Variants in ROBO2 observed in about 807,000 individuals in gnomAD.
The protein encoded by ROBO2 is roundabout guidance receptor 2.
Under a neutral mutation model 160.8 loss-of-function variants are expected in ROBO2, and 53 were observed. The observed-to-expected ratio is 0.33, with a 90% CI of 0.26 to 0.41. The LOEUF (loss-of-function observed/expected upper bound fraction) is 0.41. Ranked by LOEUF, ROBO2 falls within the 10% of genes least tolerant of loss-of-function variation. The probability of loss-of-function intolerance (pLI) is 1.00; values close to 1 mark genes in which losing one functional copy is unlikely to be tolerated. For missense variants in ROBO2, 1,577 were observed against 1,722.4 expected (o/e 0.92, Z 1.49); for synonymous variants, 664 against 611.7 (o/e 1.09, Z -1.26).
In ROBO2 at chr3:76,080,736, A is replaced by G. The variant is rs1370162617; in HGVS notation, c.109+143134A>G. 3.9e-5 allele frequency among the ~76,000 whole-genome samples: 6 copies of G among 152,218 alleles called. No homozygotes were observed. The East Asian group carries it at 1.2e-3, about 29-fold the overall frequency. ...ATTATCTGTTAGAATTTCTTTTTCA[A>G]CCATCTACAACGGATCTTAATATGC... On this transcript the variant is annotated intron_variant, in intron 2 of 26. Transcript: ENST00000487694.
chr3:77,563,368 T>A, intron 11 of ROBO2, 39 bp downstream of exon 12: 1 of 1,590,852 alleles, frequency 6.3e-7, no homozygotes, highest in Non-Finnish European at 8.6e-7. Context: ...GGGTTTTGTC[T>A]TAGCTCCTTT....
chr3:77,125,229 C>G (rs2075204104), intron 2 of ROBO2, among the ~76,000 whole-genome samples: 1 of 152,112 alleles, frequency 6.6e-6, no homozygotes, highest in South Asian at 2.1e-4. Context: ...TAGTTGTGGT[C>G]TGTCTGCACC....
At chr3:77,348,481 A>T (rs1021443403) in intron 2 of ROBO2, among the ~76,000 whole-genome samples, 1 of 152,092 alleles carries the variant, frequency 6.6e-6, no homozygotes, top group African/African-American at 2.4e-5. Flanking sequence ...CTGTTTTATC[A>T]GCAAGGTCCT....
chr3:77,528,495 A>T (rs1379997478), intron 6 of ROBO2, among the ~76,000 whole-genome samples: 1 of 151,674 alleles, frequency 6.6e-6, no homozygotes, highest in Non-Finnish European at 1.5e-5. Flanking sequence ...TTGTCAGCAA[A>T]CACGGTAAAT....
intron 2 of ROBO2, among the ~76,000 whole-genome samples, chr3:77,441,864 A>T (rs934890250): frequency 1.3e-5 from 2 of 152,150 alleles, no homozygotes; most frequent in African/African-American, 4.8e-5. Context: ...TACAATGGTC[A>T]TTTTTTGCTG....
rs137994607 is a variant in ROBO2, at chr3:76,437,964, G to A, written c.109+500362G>A. Among the ~76,000 whole-genome samples, 84 of 152,192 alleles carry A rather than the reference G, an allele frequency of 5.5e-4. 1 individual carries two copies. In the East Asian group the frequency reaches 0.014, roughly 25 times the overall value. ...GGTACTGCTGCCCTCTAAAATGTAA[G>A]CGTGCTCTTGAGTGAGCTGACTTCT... On this transcript the variant is annotated intron_variant, in intron 2 of 26. Coordinates refer to the ROBO2 transcript ENST00000487694.
intron 2 of ROBO2, among the ~76,000 whole-genome samples, chr3:76,181,442 C>G (rs1169851343): frequency 6.6e-6 from 1 of 152,014 alleles, no homozygotes; most frequent in Non-Finnish European, 1.5e-5. Flanking sequence ...TAAAATAAGA[C>G]TTTTGGTATG....
intron 2 of ROBO2, among the ~76,000 whole-genome samples, chr3:76,479,046 A>C (rs1373611228): frequency 6.6e-6 from 1 of 152,134 alleles, no homozygotes; most frequent in Non-Finnish European, 1.5e-5. Flanking sequence ...GTAGCATGGG[A>C]AAATGGCCTC....
chr3:76,458,076 T>C (rs1193248473), intron 2 of ROBO2, among the ~76,000 whole-genome samples: 1 of 152,198 alleles, frequency 6.6e-6, no homozygotes, highest in Non-Finnish European at 1.5e-5. Flanking sequence ...ATTAGGCTCC[T>C]TGCTACTTAT....
intron 2 of ROBO2, among the ~76,000 whole-genome samples, chr3:76,691,763 C>T (rs2092807804): frequency 6.6e-6 from 1 of 152,072 alleles, no homozygotes; most frequent in African/African-American, 2.4e-5. Context: ...GTGGAGGAGG[C>T]TGTGAGTCTT....
At chr3:76,747,293 A>G (rs572761459) in intron 2 of ROBO2, among the ~76,000 whole-genome samples, 5 of 152,260 alleles carry the variant, frequency 3.3e-5, no homozygotes, top group Admixed American at 6.5e-5. Context: ...ATAACTTTTT[A>G]TATGAAATTT....
Position 76,253,510 on chromosome 3 carries a change from G to A in ROBO2, c.109+315908G>A, listed in dbSNP as rs138383729. ...GCTGGTCTTGAACACCTGGGCTCAA[G>A]CAATCCACCTGCTCGGTCTCTCAAG... On this transcript the variant is annotated intron_variant, in intron 2 of 26. Coordinates refer to the ROBO2 transcript ENST00000487694. Among the ~76,000 whole-genome samples the A allele has an allele frequency of 4.6e-3, 697 of 151,174 alleles. 7 individuals are homozygous for A. The highest frequency in any genetic ancestry group is 0.016 in the African/African-American group (660 of 41,160).
At chr3:77,081,116 C>T (rs1355810343) in intron 1 of ROBO2, among the ~76,000 whole-genome samples, 1 of 152,108 alleles carries the variant, frequency 6.6e-6, no homozygotes, top group South Asian at 2.1e-4. Flanking sequence ...TGGAAAATTA[C>T]AGGTTACTGA....
At chr3:76,003,748 T>G (rs1033092113) in intron 2 of ROBO2, among the ~76,000 whole-genome samples, 1 of 152,236 alleles carries the variant, frequency 6.6e-6, no homozygotes, top group Non-Finnish European at 1.5e-5. Context: ...CATTTCTGGG[T>G]TTTGGCATCC....
chr3:77,425,742 G>C (rs998175980), intron 2 of ROBO2, among the ~76,000 whole-genome samples: 2 of 150,482 alleles, frequency 1.3e-5, no homozygotes, highest in Non-Finnish European at 2.9e-5. Flanking sequence ...TCGGCTCACT[G>C]CATCCTCCAC....
chr3:77,290,008 C>A (rs1208748649), intron 2 of ROBO2, among the ~76,000 whole-genome samples: 2 of 150,984 alleles, frequency 1.3e-5, no homozygotes, highest in African/African-American at 2.4e-5. Flanking sequence ...GAGGCTAGAT[C>A]CCTAAAGACA....
intron 2 of ROBO2, among the ~76,000 whole-genome samples, chr3:76,827,766 ACAAACT>A (rs1427682264): frequency 6.6e-6 from 1 of 152,062 alleles, no homozygotes; most frequent in African/African-American, 2.4e-5. Flanking sequence ...TGACGCACCC[ACAAACT>A]CATTGCCTAG....
At chr3:76,491,264 T>TA (rs1266072129) in intron 2 of ROBO2, among the ~76,000 whole-genome samples, 1 of 151,994 alleles carries the variant, frequency 6.6e-6, no homozygotes, top group East Asian at 1.9e-4. Context: ...TTAATTTTTT[T>TA]AAAAAAAAGT....
intron 2 of ROBO2, among the ~76,000 whole-genome samples, chr3:76,201,037 G>A (rs1702499644): frequency 6.7e-6 from 1 of 149,210 alleles, no homozygotes; most frequent in Admixed American, 6.6e-5. Flanking sequence ...TTTATATTGA[G>A]CAGGCATTAC....
Sources: allele counts gnomAD v4.1 joint callset (sites outside exome capture counted in the v4.1 genomes callset), GRCh38; gene constraint gnomAD v4.1.1; transcripts MANE v1.5; gene names NCBI Gene and HGNC (gene_info 2026-07-23, HGNC 2026-07-21).